ERI3: variants seen among roughly 807,000 people sequenced by gnomAD.
ERI3 encodes ERI1 exoribonuclease 3.
ERI3 carries 18 observed loss-of-function variants against 44.4 expected under a neutral mutation model. The observed-to-expected ratio is 0.41, with a 90% confidence interval of 0.28 to 0.60. The LOEUF (loss-of-function observed/expected upper bound fraction) is 0.60. ERI3 is among the 20% of genes least tolerant of loss of function. The pLI, the probability that ERI3 is intolerant of heterozygous loss-of-function variation, is 0.36. For missense variants in ERI3, 294 were observed against 435.5 expected (o/e 0.68, Z 2.89); for synonymous variants, 183 against 164.8 (o/e 1.11, Z -0.84).
chr1:44,302,571 T>C (rs1000803346), intron 6 of ERI3, among the ~76,000 whole-genome samples: 2 of 152,232 alleles, frequency 1.3e-5, no homozygotes, highest in Non-Finnish European at 1.5e-5. Context: ...CATTAACTTG[T>C]AACCCTGGAA....
At chr1:44,248,498 CCA>C (rs1327918960) in intron 7 of ERI3, among the ~76,000 whole-genome samples, 4 of 152,262 alleles carry the variant, frequency 2.6e-5, no homozygotes, top group Admixed American at 6.5e-5. Flanking sequence ...AAACTGCACT[CCA>C]CAGACAGAAA....
intron 7 of ERI3, among the ~76,000 whole-genome samples, chr1:44,249,659 G>A (rs1644633930): frequency 6.6e-6 from 1 of 152,132 alleles, no homozygotes; most frequent in Admixed American, 6.5e-5. Context: ...CACAAATCAG[G>A]GGCTGAGTGT....
At chr1:44,313,977 G>A (rs944882859) in intron 4 of ERI3, among the ~76,000 whole-genome samples, 1 of 151,114 alleles carries the variant, frequency 6.6e-6, no homozygotes, top group Non-Finnish European at 1.5e-5. Flanking sequence ...TTTTGGTTTG[G>A]TTTAAAGTAA....
intron 3 of ERI3, among the ~76,000 whole-genome samples, chr1:44,337,133 A>G (rs919042974): frequency 9.2e-5 from 14 of 152,258 alleles, no homozygotes; most frequent in Admixed American, 6.5e-5. Flanking sequence ...CCTCTGCAGG[A>G]CAAGAAAACA....
chr1:44,342,592 AG>A (rs978472388), intron 2 of ERI3, among the ~76,000 whole-genome samples: 4 of 151,250 alleles, frequency 2.6e-5, no homozygotes, highest in African/African-American at 9.7e-5. Flanking sequence ...GCTCTATTTA[AG>A]GAAGAGCCAG....
chr1:44,301,069 G>A (rs1419349583), intron 6 of ERI3, among the ~76,000 whole-genome samples: 1 of 152,182 alleles, frequency 6.6e-6, no homozygotes, highest in Non-Finnish European at 1.5e-5. Context: ...TGGGAGGGAG[G>A]GGAGGGGCAG....
intron 2 of ERI3, among the ~76,000 whole-genome samples, chr1:44,340,352 T>C (rs1646628079): frequency 6.6e-6 from 1 of 152,170 alleles, no homozygotes; most frequent in Non-Finnish European, 1.5e-5. Context: ...CATTCAAATT[T>C]CTCTCAACTT....
chr1:44,224,164 A>G (rs1001908481), intron 8 of ERI3, among the ~76,000 whole-genome samples: 2 of 152,192 alleles, frequency 1.3e-5, no homozygotes, highest in Middle Eastern at 3.2e-3. Flanking sequence ...TTGGATTACA[A>G]CAGCTGTCCT....
intron 3 of ERI3, among the ~76,000 whole-genome samples, chr1:44,330,194 C>A (rs559566489): frequency 2.0e-5 from 3 of 152,158 alleles, no homozygotes; most frequent in Non-Finnish European, 2.9e-5. Context: ...CCCAACTGTA[C>A]CCCCATTGTA....
intron 6 of ERI3, among the ~76,000 whole-genome samples, chr1:44,307,362 C>T (rs796507659): frequency 3.9e-5 from 6 of 152,224 alleles, no homozygotes; most frequent in African/African-American, 1.4e-4. Flanking sequence ...AGAGCTACTA[C>T]ACCACACCCC....
intron 6 of ERI3, among the ~76,000 whole-genome samples, chr1:44,292,526 G>C (rs1311401332): frequency 1.3e-5 from 2 of 152,198 alleles, no homozygotes; most frequent in Admixed American, 6.5e-5. Flanking sequence ...AGCAGACACA[G>C]AATGGTCACT....
chr1:44,292,774 AT>A (rs1645535535), intron 6 of ERI3, among the ~76,000 whole-genome samples: 1 of 152,170 alleles, frequency 6.6e-6, no homozygotes, highest in African/African-American at 2.4e-5. Context: ...GCAGGTTACA[AT>A]TCCAACCACA....
chr1:44,257,796 A>G (rs1178778216), intron 7 of ERI3, among the ~76,000 whole-genome samples: 2 of 152,104 alleles, frequency 1.3e-5, no homozygotes, highest in African/African-American at 4.8e-5. Context: ...TGGTCCTATC[A>G]TCCCTGGTGA....
chr1:44,341,432 CAATT>C (rs1193112179), intron 2 of ERI3, among the ~76,000 whole-genome samples: 2 of 152,200 alleles, frequency 1.3e-5, no homozygotes, highest in African/African-American at 4.8e-5. Context: ...CCTACAAATC[CAATT>C]AATTCATAAG....
intron 4 of ERI3, 130 bp from the exon 5 acceptor site, chr1:44,313,358 C>G (rs542038497): frequency 1.3e-6 from 1 of 757,508 alleles, no homozygotes; most frequent in South Asian, 1.7e-5. Flanking sequence ...GCTTTAGGTT[C>G]AGAGCCCACC....
At chr1:44,316,113 C>T (rs541187008) in intron 4 of ERI3, among the ~76,000 whole-genome samples, 1 of 152,016 alleles carries the variant, frequency 6.6e-6, no homozygotes, top group South Asian at 2.1e-4. Context: ...CTGGGAAGTT[C>T]TATCTTAGGC....
chr1:44,232,093 T>C (rs1054581944), intron 8 of ERI3, among the ~76,000 whole-genome samples: 1 of 152,192 alleles, frequency 6.6e-6, no homozygotes, highest in Non-Finnish European at 1.5e-5. Context: ...CCGCCAAATT[T>C]CTTTTGTGAG....
chr1:44,260,952 G>T (rs1381984569), intron 7 of ERI3, among the ~76,000 whole-genome samples: 1 of 152,096 alleles, frequency 6.6e-6, no homozygotes, highest in Non-Finnish European at 1.5e-5. Context: ...GCTTAACCAC[G>T]TATTTACATA....
chr1:44,269,239 C>T (rs1462669764), intron 7 of ERI3, among the ~76,000 whole-genome samples: 1 of 152,208 alleles, frequency 6.6e-6, no homozygotes, highest in Non-Finnish European at 1.5e-5. Flanking sequence ...AGAAGAAACT[C>T]CCTCATCCAA....
Sources: allele counts gnomAD v4.1 joint callset (sites outside exome capture counted in the v4.1 genomes callset), GRCh38; gene constraint gnomAD v4.1.1; transcripts MANE v1.5; gene names NCBI Gene and HGNC (gene_info 2026-07-23, HGNC 2026-07-21).